FABP6: variants seen among roughly 807,000 people sequenced by gnomAD.
FABP6 encodes fatty acid binding protein 6, also known as gastrotropin.
FABP6 carries 13 observed loss-of-function variants against 14.9 expected under a neutral mutation model. The observed-to-expected ratio is 0.87, with a 90% CI of 0.57 to 1.39. The LOEUF (loss-of-function observed/expected upper bound fraction) is 1.39. Ranked by LOEUF, FABP6 falls within the 40% of genes most tolerant of loss-of-function variation. FABP6 has a pLI of 0.00. For missense variants in FABP6, 161 were observed against 167.2 expected (o/e 0.96, Z 0.20); for synonymous variants, 75 against 63.6 (o/e 1.18, Z -0.85).
chr5:160,233,666 A>C (rs1282979302), intron 2 of FABP6, among the ~76,000 whole-genome samples: 2 of 152,116 alleles, frequency 1.3e-5, no homozygotes, highest in Non-Finnish European at 2.9e-5. Flanking sequence ...CGAGGTTAGG[A>C]GTTCAGGACC....
chr5:160,212,509 A>G (rs941105913), intron 2 of FABP6, among the ~76,000 whole-genome samples: 3 of 150,376 alleles, frequency 2.0e-5, no homozygotes, highest in African/African-American at 7.4e-5. Context: ...CACTCTGTCA[A>G]CCAGGTTAGA....
chr5:160,212,602 G>A (rs1017540065), intron 2 of FABP6, among the ~76,000 whole-genome samples: 5 of 152,008 alleles, frequency 3.3e-5, no homozygotes, highest in Admixed American at 3.3e-4. Flanking sequence ...CTGAGTAGAT[G>A]GGACTACAGG....
upstream of FABP6, chr5:160,229,468 T>G (rs1760319933): frequency 6.2e-7 from 1 of 1,600,794 alleles, no homozygotes. Context: ...CCTCAGCAAC[T>G]GGGAGAGTTT....
At chr5:160,235,090 G>A (rs1449071033) in intron 3 of FABP6, among the ~76,000 whole-genome samples, 181 bp downstream of exon 3, 3 of 152,152 alleles carry the variant, frequency 2.0e-5, no homozygotes, top group Non-Finnish European at 2.9e-5. Flanking sequence ...TGTTAGGTGG[G>A]GATTTTTATC....
intron 2 of FABP6, among the ~76,000 whole-genome samples, chr5:160,205,392 A>T (rs906735469): frequency 1.3e-5 from 2 of 152,110 alleles, no homozygotes; most frequent in Admixed American, 6.6e-5. Context: ...ACATGTTCAA[A>T]GTCGTGTACA....
chr5:160,215,547 G>A lies in FABP6; in HGVS notation c.135+1728G>A, dbSNP rs142711855. ...AAAAAAAAAAGGTGACGGTGGCCAG[G>A]CATGGTGGCTCACACTTGTAATCCC... On this transcript the variant is annotated intron_variant, in intron 3 of 6. Coordinates refer to the FABP6 transcript ENST00000393980. Among the ~76,000 whole-genome samples, 8 of 151,960 alleles carry A rather than the reference G, an allele frequency of 5.3e-5. No homozygotes were observed. The East Asian group carries it at 7.7e-4, about 15-fold the overall frequency.
chr5:160,190,469 C>T (rs1003011667), intron 1 of FABP6, among the ~76,000 whole-genome samples: 25 of 152,096 alleles, frequency 1.6e-4, no homozygotes, highest in African/African-American at 5.8e-4. Context: ...CGACCTCAGG[C>T]GATCTGCCCA....
At chr5:160,236,571 G>T (rs1222717430) in intron 3 of FABP6, among the ~76,000 whole-genome samples, 3 of 152,164 alleles carry the variant, frequency 2.0e-5, no homozygotes, top group African/African-American at 7.2e-5. Flanking sequence ...CACACAACTA[G>T]TACATGCAGA....
chr5:160,198,936 T>C, intron 1 of FABP6: 1 of 653,590 alleles, frequency 1.5e-6, no homozygotes, highest in East Asian at 2.7e-5. Context: ...CCAGGGCCCA[T>C]GTGTCTGGCA....
chr5:160,230,821 G>C (rs4579292), intron 1 of FABP6, among the ~76,000 whole-genome samples: 1 of 152,060 alleles, frequency 6.6e-6, no homozygotes, highest in African/African-American at 2.4e-5. Flanking sequence ...GAAACCAAAG[G>C]GTTAGCATGG....
Position 160,187,998 on chromosome 5 carries a change from C to G in FABP6, c.-59+544C>G, listed in dbSNP as rs147370692. Among the ~76,000 whole-genome samples the G allele has an allele frequency of 3.7e-3, 569 of 152,226 alleles. 2 individuals are homozygous for G. Among genetic ancestry groups the G allele is most frequent in the African/African-American group, 0.013 (546 of 41,534 alleles). On this transcript the variant is annotated intron_variant, in intron 1 of 6. Coordinates refer to the FABP6 transcript ENST00000393980. ...AACTCCCGACTTCAGGTGATCCACC[C>G]GCCTCGGCCTCCCAAAGTGTTGAGA...
intron 2 of FABP6, among the ~76,000 whole-genome samples, chr5:160,199,785 T>C (rs11957969): frequency 0.89 from 134,951 of 152,208 alleles, 59,936 homozygotes; most frequent in Non-Finnish European, 0.92. Context: ...GGATCTCCGC[T>C]CACTAGGGAG....
At chr5:160,231,176 T>A (rs899769533) in intron 1 of FABP6, among the ~76,000 whole-genome samples, 2 of 151,840 alleles carry the variant, frequency 1.3e-5, no homozygotes, top group Admixed American at 1.3e-4. Flanking sequence ...CCTTGAGGAG[T>A]CGAGAGTCCC....
chr5:160,218,121 T>A (rs1760054809), intron 3 of FABP6, among the ~76,000 whole-genome samples: 1 of 152,076 alleles, frequency 6.6e-6, no homozygotes, highest in Admixed American at 6.6e-5. Flanking sequence ...TCTGTTTGTT[T>A]TTTTTAGGGA....
chr5:160,212,784 T>TA (rs1171035568), intron 2 of FABP6, among the ~76,000 whole-genome samples: 1 of 152,208 alleles, frequency 6.6e-6, no homozygotes, highest in Non-Finnish European at 1.5e-5. Context: ...TGGCTAATTT[T>TA]AAAAATATTT....
At chr5:160,205,828 G>C (rs1161290584) in intron 2 of FABP6, among the ~76,000 whole-genome samples, 1 of 152,188 alleles carries the variant, frequency 6.6e-6, no homozygotes, top group African/African-American at 2.4e-5. Flanking sequence ...TGGAGAAGTG[G>C]AAATGACCCA....
At chr5:160,191,436 C>T (rs1490444422) in intron 1 of FABP6, among the ~76,000 whole-genome samples, 1 of 149,038 alleles carries the variant, frequency 6.7e-6, no homozygotes, top group African/African-American at 2.5e-5. Flanking sequence ...CATTGCACTC[C>T]AGCCTGGGCA....
intron 1 of FABP6, among the ~76,000 whole-genome samples, chr5:160,191,090 G>GAAA (rs58261991): frequency 1.6e-5 from 2 of 127,616 alleles, no homozygotes; most frequent in African/African-American, 6.0e-5. Context: ...ACTCCATCTG[G>GAAA]AAAAAAAAAA....
At chr5:160,233,008 G>T (rs1760425962) in intron 2 of FABP6, among the ~76,000 whole-genome samples, 1 of 145,814 alleles carries the variant, frequency 6.9e-6, no homozygotes, top group African/African-American at 2.5e-5. Context: ...TTTTATTCGA[G>T]ACTCACTCTG....
Sources: allele counts gnomAD v4.1 joint callset (sites outside exome capture counted in the v4.1 genomes callset), GRCh38; gene constraint gnomAD v4.1.1; transcripts MANE v1.5; gene names NCBI Gene and HGNC (gene_info 2026-07-23, HGNC 2026-07-21).